Variants in GGA1 observed in about 807,000 individuals in gnomAD.
The protein encoded by GGA1 is golgi associated, gamma adaptin ear containing, ARF binding protein 1.
GGA1 carries 18 observed loss-of-function variants against 76.9 expected under a neutral mutation model. That is an observed-to-expected ratio of 0.23 (90% CI 0.16 to 0.35). The LOEUF is 0.35. Ranked by LOEUF, GGA1 falls within the 10% of genes least tolerant of loss-of-function variation. GGA1 has a pLI of 1.00. For missense variants in GGA1, 755 were observed against 859.0 expected, an observed-to-expected ratio of 0.88 and a Z score of 1.51; for synonymous variants, 342 against 354.7, an observed-to-expected ratio of 0.96 and a Z score of 0.40.
Position 37,632,670 on chromosome 22 carries a change from G to A in GGA1, c.1879G>A (p.Val627Met). 2 of 1,612,168 alleles carry A rather than the reference G, an allele frequency of 1.2e-6. No individual in the cohort carries two copies. The highest frequency in any genetic ancestry group is 1.7e-6 in the Non-Finnish European group (2 of 1,178,530). ...GDQTYNEMGD[V>M]DQFPPPETWG... ...CCAGACCTACAACGAGATGGGGGATGTGGACCAGTTCCCCCCACCTGAAAC... is the reference window on the plus strand; with the variant it reads ...CCAGACCTACAACGAGATGGGGGATATGGACCAGTTCCCCCCACCTGAAAC... The change falls in exon 17 of 17, where the codon GTG (valine) becomes ATG (methionine). Residue 627 changes from valine to methionine, a missense_variant. Physicochemically the swap from Val to Met is conservative, Grantham distance 21. Coordinates refer to ENST00000343632, the MANE Select transcript of GGA1 (RefSeq NM_013365.5). This position sits in a 1 kb window ranked among gnomAD's most constrained non-coding sequence, Gnocchi z 5.1.
At chr22:37,610,285 C>T (rs560529429) in intron 1 of GGA1, 1 of 152,218 alleles carries the variant, frequency 6.6e-6, no homozygotes, top group Admixed American at 6.5e-5. Context: ...CCCTTTGTGT[C>T]CTAGCAGAAT....
chr22:37,609,240 G>A (rs34634188), intron 1 of GGA1: 42,541 of 1,190,632 alleles, frequency 0.036, 3,053 homozygotes, highest in African/African-American at 0.28. Context: ...GCGGCCCGGG[G>A]AAGGAGCACG....
intron 7 of GGA1, among the ~76,000 whole-genome samples, chr22:37,622,414 C>T (rs558953640): frequency 3.5e-4 from 52 of 150,334 alleles, no homozygotes; most frequent in African/African-American, 1.2e-3. Flanking sequence ...ACATATGTTG[C>T]CTGGGTGCCT....
At chr22:37,609,310 G>T in intron 1 of GGA1, 1 of 1,110,352 alleles carries the variant, frequency 9.0e-7, no homozygotes, top group Non-Finnish European at 1.1e-6. Context: ...CTATTTTCAG[G>T]CCCCGAATCC....
At position 37,614,241 on chromosome 22, in the gene GGA1, G is replaced by T. The variant is rs762683852; in HGVS notation, c.95G>T (p.Gly32Val). ...GAGCTCGACTGGGCCAGCATCAACG[G>T]CTTCTGCGAGCAGCTCAACGAGGAC... Reference protein sequence around the residue: ...NKELDWASINGFCEQLNEDFE... With the variant: ...NKELDWASINVFCEQLNEDFE... The change falls in exon 2 of 17, where the codon GGC becomes GTC. Residue 32 changes from glycine to valine, a missense_variant. By Grantham distance (109) the Gly-to-Val change is moderately radical (BLOSUM62 -3). Transcript: ENST00000343632. The T allele has an allele frequency of 6.2e-7, 1 of 1,613,840 alleles. No individual in the cohort carries two copies. Among genetic ancestry groups the T allele is most frequent in the South Asian group, 1.1e-5 (1 of 91,078 alleles).
intron 1 of GGA1, chr22:37,613,956 G>A (rs886241322): frequency 9.8e-6 from 5 of 510,058 alleles, no homozygotes; most frequent in Admixed American, 6.5e-5. Flanking sequence ...GAGGGGAAGG[G>A]CCCTGACCAT....
chr22:37,609,101 G>A (rs1248255481), intron 1 of GGA1, 198 bp downstream of exon 1: 5 of 1,489,422 alleles, frequency 3.4e-6, no homozygotes, highest in Non-Finnish European at 4.5e-6. Flanking sequence ...CCAGCGGTGG[G>A]AGCGGGCGCC....
At chr22:37,616,722 G>C (rs927237076) in intron 2 of GGA1, among the ~76,000 whole-genome samples, 200 bp from the exon 3 acceptor site, 1 of 152,170 alleles carries the variant, frequency 6.6e-6, no homozygotes, top group African/African-American at 2.4e-5. Flanking sequence ...AACTGATCTG[G>C]AGAGGGAGCT....
chr22:37,616,789 G>T, intron 2 of GGA1, 133 bp from the exon 3 acceptor site: 1 of 1,105,752 alleles, frequency 9.0e-7, no homozygotes, highest in Non-Finnish European at 1.2e-6. Context: ...GCGGCGGGCT[G>T]GGGTGGTGAC....
In GGA1 at chr22:37,624,672, A is replaced by G. The variant is rs60138269; in HGVS notation, c.833-297A>G. The G allele has an allele frequency of 0.021, 7,461 of 347,710 alleles. 488 individuals carry two copies. The highest frequency in any genetic ancestry group is 0.14 in the African/African-American group (6,747 of 47,786). The allele number at this position is 347,710 out of a possible 1,614,324, so 21.5% of individuals were successfully genotyped here. A position where few individuals can be genotyped will look rare whatever the true frequency, so the allele number is the denominator to read the frequency against. On this transcript the variant is annotated intron_variant, in intron 9 of 16. Coordinates refer to ENST00000343632, the MANE Select transcript of GGA1 (RefSeq NM_013365.5). This position sits in a 1 kb window ranked among gnomAD's most constrained non-coding sequence, Gnocchi z 4.3. ...CCTGAAGGCAGTAAGGGATGAAGCC[A>G]TGCAGAGATCTGGGGCAGCCAGAGA... is the stretch of plus-strand genomic sequence containing the variant.
intron 2 of GGA1, among the ~76,000 whole-genome samples, chr22:37,614,545 TAAGACC>T (rs1420016541): frequency 6.6e-6 from 1 of 152,174 alleles, no homozygotes; most frequent in Non-Finnish European, 1.5e-5. Context: ...CTGAGCTTGG[TAAGACC>T]CAGGCCTGCT....
chr22:37,609,217 G>A, intron 1 of GGA1: 1 of 1,255,992 alleles, frequency 8.0e-7, no homozygotes, highest in South Asian at 1.7e-5. Flanking sequence ...GGCTCACATT[G>A]CTTCACGGAG....
At chr22:37,609,640 C>T (rs1038551902) in intron 1 of GGA1, among the ~76,000 whole-genome samples, 1 of 152,138 alleles carries the variant, frequency 6.6e-6, no homozygotes, top group Non-Finnish European at 1.5e-5. Flanking sequence ...ACGTAGCTTC[C>T]TATTGCTTAG....
intron 3 of GGA1, chr22:37,617,404 C>A: frequency 9.3e-7 from 1 of 1,073,678 alleles, no homozygotes; most frequent in Non-Finnish European, 1.1e-6. Flanking sequence ...GGGCTCAGGC[C>A]TGAGGTTTTG....
intron 5 of GGA1, 33 bp downstream of exon 5, chr22:37,620,394 G>A (rs1470070658): frequency 6.2e-7 from 1 of 1,612,118 alleles, no homozygotes; most frequent in Non-Finnish European, 8.5e-7. Flanking sequence ...GGCGACCAGG[G>A]CCTGCCTTCC....
At chr22:37,614,091 ACTC>A in intron 1 of GGA1, 96 bp from the exon 2 acceptor site, 1 of 827,904 alleles carries the variant, frequency 1.2e-6, no homozygotes, top group Non-Finnish European at 2.1e-6. Flanking sequence ...GCTCAGTCAC[ACTC>A]CTCTCCCACT....
chr22:37,629,383 C>T, intron 11 of GGA1, 79 bp from the exon 12 acceptor site: 2 of 976,184 alleles, frequency 2.0e-6, no homozygotes, highest in Non-Finnish European at 3.1e-6. Flanking sequence ...AGCCCCATGC[C>T]AGCACACATG....
At chr22:37,621,782 A>G (rs1929945854) in intron 7 of GGA1, 86 bp downstream of exon 7, 3 of 855,734 alleles carry the variant, frequency 3.5e-6, no homozygotes, top group South Asian at 1.6e-5. Flanking sequence ...GCATCTTCAC[A>G]TGGAAGGAGC....
At chr22:37,628,887 C>G (rs1247442183) in intron 11 of GGA1, among the ~76,000 whole-genome samples, 2 of 152,210 alleles carry the variant, frequency 1.3e-5, no homozygotes, top group Non-Finnish European at 2.9e-5. Context: ...GCAGCTAGTT[C>G]TAGGGCCATC....
Sources: allele counts gnomAD v4.1 joint callset (sites outside exome capture counted in the v4.1 genomes callset), GRCh38; gene constraint gnomAD v4.1.1; non-coding constraint Gnocchi (gnomAD v3.1); transcripts MANE v1.5; gene names NCBI Gene and HGNC (gene_info 2026-07-23, HGNC 2026-07-21).